NLGN1: variants seen among roughly 807,000 people sequenced by gnomAD.
The protein encoded by NLGN1 is neuroligin 1, also known as neuroligin-1.
NLGN1 carries 12 observed loss-of-function variants against 65.5 expected under a neutral mutation model. The ratio of observed to expected loss-of-function variants is 0.18; its 90% confidence interval spans 0.12 to 0.30. The LOEUF (loss-of-function observed/expected upper bound fraction) is 0.30. Ranked by LOEUF, NLGN1 falls within the 10% of genes least tolerant of loss-of-function variation. The pLI is 1.00. For missense variants in NLGN1, 750 were observed against 1,007.1 expected, an observed-to-expected ratio of 0.74 and a Z score of 3.46; for synonymous variants, 350 against 359.5, an observed-to-expected ratio of 0.97 and a Z score of 0.30.
intron 3 of NLGN1, among the ~76,000 whole-genome samples, chr3:173,747,171 G>A (rs1775547953): frequency 6.9e-6 from 1 of 144,442 alleles, no homozygotes; most frequent in Non-Finnish European, 1.5e-5. Flanking sequence ...CTGTTTTTGA[G>A]ACAGCGTCTC....
chr3:174,007,453 A>C (rs1724662655), intron 4 of NLGN1, among the ~76,000 whole-genome samples: 1 of 152,174 alleles, frequency 6.6e-6, no homozygotes, highest in Non-Finnish European at 1.5e-5. Flanking sequence ...ATCAATAAAC[A>C]GTCTTCTCAA....
At chr3:173,621,557 G>A (rs1216797574) in intron 3 of NLGN1, among the ~76,000 whole-genome samples, 1 of 152,094 alleles carries the variant, frequency 6.6e-6, no homozygotes, top group Non-Finnish European at 1.5e-5. Context: ...TCAGTAAAGG[G>A]TGGGCCGGGA....
At chr3:173,747,240 T>G (rs1384079109) in intron 3 of NLGN1, among the ~76,000 whole-genome samples, 1 of 146,264 alleles carries the variant, frequency 6.8e-6, no homozygotes, top group African/African-American at 2.5e-5. Context: ...TATATATATC[T>G]TTAAGTATAT....
chr3:173,397,477 C>T (rs750654825), upstream of NLGN1, among the ~76,000 whole-genome samples: 2 of 152,116 alleles, frequency 1.3e-5, no homozygotes, highest in African/African-American at 2.4e-5. Flanking sequence ...TCTCCAGCCC[C>T]GGCAGTTTGT....
intron 4 of NLGN1, among the ~76,000 whole-genome samples, chr3:174,134,820 C>T (rs1720912995): frequency 6.6e-6 from 1 of 151,978 alleles, no homozygotes; most frequent in African/African-American, 2.4e-5. Flanking sequence ...AAGTGGGTGC[C>T]CAGGTAAAAG....
intron 3 of NLGN1, among the ~76,000 whole-genome samples, chr3:173,781,534 T>A (rs2150321518): frequency 6.6e-6 from 1 of 152,332 alleles, no homozygotes; most frequent in Non-Finnish European, 1.5e-5. Context: ...TTTGACTTAA[T>A]GGATACATTG....
intron 2 of NLGN1, among the ~76,000 whole-genome samples, chr3:173,573,929 A>G (rs1238374447): frequency 2.0e-5 from 3 of 151,532 alleles, no homozygotes; most frequent in Non-Finnish European, 2.9e-5. Flanking sequence ...CGGGCGTGGT[A>G]GCGGGCGCCT....
intron 2 of NLGN1, among the ~76,000 whole-genome samples, chr3:173,580,571 A>C (rs904588181): frequency 5.9e-5 from 9 of 151,998 alleles, no homozygotes; most frequent in Non-Finnish European, 1.2e-4. Flanking sequence ...TTGTATCATG[A>C]AGGATACAAA....
At chr3:173,884,635 T>G (rs914419740) in intron 4 of NLGN1, among the ~76,000 whole-genome samples, 1 of 152,192 alleles carries the variant, frequency 6.6e-6, no homozygotes, top group Non-Finnish European at 1.5e-5. Flanking sequence ...TTCCTACATG[T>G]GCATGTACAT....
intron 4 of NLGN1, among the ~76,000 whole-genome samples, chr3:174,236,908 G>T (rs2152824943): frequency 6.6e-6 from 1 of 152,052 alleles, no homozygotes; most frequent in African/African-American, 2.4e-5. Flanking sequence ...ATCTGTAAAA[G>T]TAAGTACATC....
chr3:173,800,269 C>G, intron 3 of NLGN1: 1 of 924,800 alleles, frequency 1.1e-6, no homozygotes, highest in South Asian at 2.0e-5. Context: ...TTTTTTTCCT[C>G]CATTTCTCCG....
chr3:174,167,490 T>C (rs573304250), intron 4 of NLGN1, among the ~76,000 whole-genome samples: 2 of 152,226 alleles, frequency 1.3e-5, no homozygotes, highest in East Asian at 1.9e-4. Flanking sequence ...TCTTTTCTTT[T>C]AGAATGCTTA....
chr3:174,181,377 G>A (rs1730384072), intron 4 of NLGN1, among the ~76,000 whole-genome samples: 1 of 151,984 alleles, frequency 6.6e-6, no homozygotes, highest in South Asian at 2.1e-4. Flanking sequence ...GAGAAGCATT[G>A]TCCGATGCTA....
intron 4 of NLGN1, among the ~76,000 whole-genome samples, chr3:174,177,428 G>T (rs915318959): frequency 1.1e-4 from 17 of 151,988 alleles, no homozygotes; most frequent in Admixed American, 9.2e-4. Flanking sequence ...TAGAAGCGAT[G>T]ACCATATTGT....
chr3:173,776,288 C>A (rs1310717865), intron 3 of NLGN1, among the ~76,000 whole-genome samples: 1 of 151,940 alleles, frequency 6.6e-6, no homozygotes, highest in Non-Finnish European at 1.5e-5. Context: ...AGCCCCTAAG[C>A]TCTCTAAAAA....
intron 4 of NLGN1, among the ~76,000 whole-genome samples, chr3:173,997,005 T>A (rs182589866): frequency 3.9e-5 from 6 of 152,228 alleles, no homozygotes; most frequent in South Asian, 2.1e-4. Context: ...TTGTGACATA[T>A]TAGTGAGTGA....
chr3:173,430,961 A>G (rs560071230), intron 1 of NLGN1, among the ~76,000 whole-genome samples: 1 of 152,348 alleles, frequency 6.6e-6, no homozygotes, highest in Non-Finnish European at 1.5e-5. Flanking sequence ...TCTTACAGCA[A>G]TACAAACAGA....
chr3:173,413,791 C>A (rs557020144), intron 1 of NLGN1, among the ~76,000 whole-genome samples: 2 of 152,192 alleles, frequency 1.3e-5, no homozygotes, highest in African/African-American at 4.8e-5. Flanking sequence ...AAATGGGAAG[C>A]CCTGGAGCTA....
chr3:173,764,005 T>C (rs1191556611), intron 3 of NLGN1, among the ~76,000 whole-genome samples: 3 of 152,178 alleles, frequency 2.0e-5, no homozygotes, highest in African/African-American at 7.2e-5. Context: ...AAGCATTGCA[T>C]TGAAGAAGTT....
Sources: gnomAD v4.1 joint callset for allele counts (sites outside exome capture counted in the v4.1 genomes callset) on GRCh38, gnomAD v4.1.1 for gene constraint, MANE v1.5 for transcripts, NCBI Gene and HGNC (gene_info 2026-07-23, HGNC 2026-07-21) for gene names.